CEP170: variants seen among roughly 807,000 people sequenced by gnomAD.
CEP170 encodes centrosomal protein of 170 kDa.
In CEP170, 21 loss-of-function variants were observed where a neutral mutation model predicts 151.9. The observed-to-expected ratio is 0.14, with a 90% CI of 0.10 to 0.20. The LOEUF is 0.20. Ranked by LOEUF, CEP170 falls within the 10% of genes least tolerant of loss-of-function variation. The pLI, the probability that CEP170 is intolerant of heterozygous loss-of-function variation, is 1.00. For synonymous variants in CEP170, 356 were observed against 648.8 expected (o/e 0.55, Z 6.86); for missense variants, 964 against 1,892.9 (o/e 0.51, Z 9.11).
At chr1:243,202,471 CA>C (rs908442361) in intron 4 of CEP170, among the ~76,000 whole-genome samples, 1 of 151,788 alleles carries the variant, frequency 6.6e-6, no homozygotes, top group African/African-American at 2.4e-5. Flanking sequence ...TTTAAAAAGA[CA>C]AAAAATGTGA....
intron 1 of CEP170, among the ~76,000 whole-genome samples, chr1:243,228,535 G>A (rs2063479578): frequency 6.6e-6 from 1 of 152,052 alleles, no homozygotes; most frequent in East Asian, 1.9e-4. Context: ...TCTAAATATA[G>A]TATATAATTT....
rs986328635 is a variant in CEP170 at position 243,124,604 on chromosome 1, G to C, written c.*1845C>G. On this transcript the variant is annotated 3_prime_UTR_variant, in exon 20 of 20. Transcript: ENST00000366542. ...CCAAACTGTGTAAACACTTAAACAA[G>C]AATGTAAGCAGAGTAGATTCTAGTA... 25 of 152,538 alleles carry C rather than the reference G, an allele frequency of 1.6e-4. No individual in the cohort carries two copies. Among genetic ancestry groups the C allele is most frequent in the African/African-American group, 5.8e-4 (24 of 41,524 alleles). 9.4% of individuals were successfully genotyped at this position (152,538 alleles called of 1,614,324 possible).
chr1:243,180,647 T>C (rs751324805), intron 10 of CEP170, among the ~76,000 whole-genome samples: 19 of 152,222 alleles, frequency 1.2e-4, no homozygotes, highest in Non-Finnish European at 2.2e-4. Context: ...TTCTGGTTTA[T>C]CATCGTTTCC....
At chr1:243,212,323 C>CT (rs1170515065) in intron 3 of CEP170, among the ~76,000 whole-genome samples, 1 of 152,154 alleles carries the variant, frequency 6.6e-6, no homozygotes, top group East Asian at 1.9e-4. Flanking sequence ...CCAATTTTAG[C>CT]TTTTTGAGAA....
intron 13 of CEP170, among the ~76,000 whole-genome samples, chr1:243,161,478 C>G (rs1389894665): frequency 6.6e-6 from 1 of 151,676 alleles, no homozygotes; most frequent in East Asian, 1.9e-4. Context: ...TTAAAAAAAA[C>G]TTTTTTTTAA....
intron 13 of CEP170, among the ~76,000 whole-genome samples, chr1:243,159,412 T>A (rs2057853255): frequency 6.6e-6 from 1 of 152,182 alleles, no homozygotes; most frequent in African/African-American, 2.4e-5. Context: ...ACCTGTTATT[T>A]CTCAAAGAAT....
intron 1 of CEP170, among the ~76,000 whole-genome samples, chr1:243,239,925 T>C (rs754920244): frequency 4.0e-5 from 6 of 151,876 alleles, no homozygotes; most frequent in Non-Finnish European, 8.8e-5. Flanking sequence ...TAATAGGTAA[T>C]AGTGGCACAA....
intron 4 of CEP170, among the ~76,000 whole-genome samples, chr1:243,206,162 G>A (rs1308168456): frequency 6.6e-6 from 1 of 152,086 alleles, no homozygotes; most frequent in East Asian, 1.9e-4. Flanking sequence ...TTGAGATGGA[G>A]TCTCTCTTTT....
intron 3 of CEP170, among the ~76,000 whole-genome samples, chr1:243,219,638 A>G (rs952643262): frequency 6.6e-6 from 1 of 152,250 alleles, no homozygotes; most frequent in Non-Finnish European, 1.5e-5. Context: ...ATTTTCCAAA[A>G]TAACAATGTA....
chr1:243,254,780 G>T (rs1202309458), intron 1 of CEP170, among the ~76,000 whole-genome samples: 1 of 148,812 alleles, frequency 6.7e-6, no homozygotes, highest in Non-Finnish European at 1.5e-5. Flanking sequence ...CGCAGGACTG[G>T]AGCTCCGGGG....
intron 1 of CEP170, among the ~76,000 whole-genome samples, chr1:243,242,142 T>C (rs2064907985): frequency 6.6e-6 from 1 of 152,152 alleles, no homozygotes; most frequent in East Asian, 1.9e-4. Context: ...TCTTGTTATA[T>C]TTGAAGGGCA....
At chr1:243,163,086 AG>A (rs1348991945) in intron 13 of CEP170, 1 of 152,346 alleles carries the variant, frequency 6.6e-6, no homozygotes, top group Admixed American at 6.5e-5. Flanking sequence ...AAAGAGATAC[AG>A]GTGAATGGAG....
Position 243,167,318 on chromosome 1 carries a change from A to G in CEP170, c.1844-1202T>C, listed in dbSNP as rs188191051. 4.3e-4 allele frequency among the ~76,000 whole-genome samples: 65 copies of G among 152,120 alleles called. 1 individual carries two copies. The East Asian group carries it at 0.011, about 25-fold the overall frequency. ...AGAATTTTAAAAATTGTAAGTATGT[A>G]ACAGCAGACTTTTCATAGTTAGGAC... On this transcript the variant is annotated intron_variant, in intron 12 of 19. Transcript: ENST00000366542.
At chr1:243,228,522 C>T (rs537506627) in intron 1 of CEP170, among the ~76,000 whole-genome samples, 5 of 152,124 alleles carry the variant, frequency 3.3e-5, no homozygotes, top group Admixed American at 6.5e-5. Context: ...AAAAGCCCTC[C>T]GATCTAAATA....
At chr1:243,179,481 T>C (rs1195007554) in intron 10 of CEP170, among the ~76,000 whole-genome samples, 1 of 152,226 alleles carries the variant, frequency 6.6e-6, no homozygotes, top group Non-Finnish European at 1.5e-5. Flanking sequence ...GCTGCTTTCA[T>C]ACTTAATATT....
chr1:243,235,001 CATT>C (rs1172706535), intron 1 of CEP170, among the ~76,000 whole-genome samples: 1 of 152,034 alleles, frequency 6.6e-6, no homozygotes, highest in Non-Finnish European at 1.5e-5. Context: ...TGGACATAAA[CATT>C]ATATACTGTT....
chr1:243,149,368 G>A (rs2056849863), intron 14 of CEP170, among the ~76,000 whole-genome samples: 1 of 152,150 alleles, frequency 6.6e-6, no homozygotes. Context: ...ACCTGAGATA[G>A]CCAGAGTATT....
Position 243,246,226 on chromosome 1 carries a change from C to CTTT in CEP170, c.-42+8811_-42+8813dup, listed in dbSNP as rs774096892. ...GAAATGTCCATTACAGTGTTGTTTA[C>CTTT]TTTTTTTTTTTTTTTTTTTTTTTGA... On this transcript the variant is annotated intron_variant, in intron 1 of 19. Transcript: ENST00000366542. 6.2e-3 allele frequency among the ~76,000 whole-genome samples: 682 copies of CTTT among 109,418 alleles called. 32 individuals are homozygous for CTTT. The highest frequency in any genetic ancestry group is 0.024 in the African/African-American group (619 of 25,958). The allele number at this position is 109,418 out of a possible 152,430, so 71.8% of individuals were successfully genotyped here.
chr1:243,143,266 T>C (rs2056089631), intron 14 of CEP170, among the ~76,000 whole-genome samples: 1 of 152,098 alleles, frequency 6.6e-6, no homozygotes, highest in Non-Finnish European at 1.5e-5. Context: ...ACATGTTATG[T>C]CACTTGAGGC....
Sources: gnomAD v4.1 joint callset for allele counts (sites outside exome capture counted in the v4.1 genomes callset) on GRCh38, gnomAD v4.1.1 for gene constraint, MANE v1.5 for transcripts, NCBI Gene and HGNC (gene_info 2026-07-23, HGNC 2026-07-21) for gene names.